Variants in GRIA2 observed in about 807,000 individuals in gnomAD.
GRIA2 encodes the protein glutamate receptor 2.
A neutral mutation model predicts 97.3 loss-of-function variants in GRIA2; 14 were observed. The observed-to-expected ratio is 0.14, with a 90% confidence interval of 0.10 to 0.23. The LOEUF is 0.23. Ranked by LOEUF, GRIA2 falls within the 10% of genes least tolerant of loss-of-function variation. The pLI, the probability that GRIA2 is intolerant of heterozygous loss-of-function variation, is 1.00. For synonymous variants in GRIA2, 412 were observed against 387.8 expected (o/e 1.06, Z -0.73); for missense variants, 558 against 1,069.8 (o/e 0.52, Z 6.67).
At chr4:157,358,524 A>G (rs1736493588) in intron 12 of GRIA2, among the ~76,000 whole-genome samples, 1 of 152,290 alleles carries the variant, frequency 6.6e-6, no homozygotes, top group East Asian at 1.9e-4. Flanking sequence ...ATAAGTATTA[A>G]GAAGTAAGGA....
chr4:157,234,136 T>A (rs2126700170), intron 2 of GRIA2, among the ~76,000 whole-genome samples: 1 of 152,242 alleles, frequency 6.6e-6, no homozygotes, highest in East Asian at 1.9e-4. Context: ...ATGGGGTTCA[T>A]TATAATGCCT....
At chr4:157,301,941 G>A (rs935142661) in intron 2 of GRIA2, among the ~76,000 whole-genome samples, 7 of 151,968 alleles carry the variant, frequency 4.6e-5, no homozygotes, top group Non-Finnish European at 8.8e-5. Context: ...TTGGGAGGCC[G>A]AGGCTGGTGG....
intron 12 of GRIA2, among the ~76,000 whole-genome samples, chr4:157,355,769 A>T (rs558008232): frequency 1.8e-5 from 1 of 54,556 alleles, no homozygotes; most frequent in South Asian, 1.4e-3. Context: ...TTAGTTATAT[A>T]TATTTATATA....
chr4:157,251,001 G>T (rs2126741471), intron 2 of GRIA2, among the ~76,000 whole-genome samples: 1 of 152,142 alleles, frequency 6.6e-6, no homozygotes, highest in East Asian at 1.9e-4. Context: ...TTTTCTAGGG[G>T]TTGGGGAATG....
At position 157,364,855 on chromosome 4, in the gene GRIA2, G is replaced by A. The variant is rs940721538; in HGVS notation, c.*1424G>A. On this transcript the variant is annotated 3_prime_UTR_variant, in exon 16 of 16. Transcript: ENST00000264426. ...TTATATTTATTCCTCAGGTGGAATGGCTATTTTAATATGCCCAGTGTGGAT... is the reference window on the plus strand; with the variant it reads ...TTATATTTATTCCTCAGGTGGAATGACTATTTTAATATGCCCAGTGTGGAT... 6.6e-6 allele frequency: 1 copy of A among 151,584 alleles called. No individual in the cohort carries two copies. The highest frequency in any genetic ancestry group is 2.1e-4 in the South Asian group (1 of 4,818). 9.4% of individuals were successfully genotyped at this position (151,584 alleles called of 1,614,324 possible).
At chr4:157,227,828 A>G (rs542448142) in intron 2 of GRIA2, among the ~76,000 whole-genome samples, 25 of 152,300 alleles carry the variant, frequency 1.6e-4, no homozygotes, top group African/African-American at 5.5e-4. Flanking sequence ...GTGTCTCTTC[A>G]GTACAATAGG....
rs72962896 is a variant in GRIA2, at chr4:157,351,929, C to G, written c.2044-7967C>G. Among the ~76,000 whole-genome samples the G allele has an allele frequency of 3.0e-3, 451 of 152,320 alleles. 3 individuals carry two copies. Among genetic ancestry groups the G allele is most frequent in the African/African-American group, 0.01 (429 of 41,558 alleles). ...TTAAACTTCTTCCCTTTATAAATTA[C>G]GCAGTCTTGTCCAGTTCTTTGTAAC... On this transcript the variant is annotated intron_variant, in intron 12 of 15. Coordinates refer to ENST00000264426, the MANE Select transcript of GRIA2 (RefSeq NM_001083619.3).
chr4:157,311,921 T>C (rs149600289), intron 3 of GRIA2, among the ~76,000 whole-genome samples: 6 of 152,024 alleles, frequency 3.9e-5, no homozygotes, highest in African/African-American at 1.4e-4. Flanking sequence ...AGGTAATATA[T>C]GGACAATTAA....
intron 2 of GRIA2, among the ~76,000 whole-genome samples, chr4:157,256,185 T>C (rs1180232770): frequency 7.3e-6 from 1 of 136,318 alleles, no homozygotes; most frequent in Non-Finnish European, 1.5e-5. Context: ...TTATATATAA[T>C]ATATAACATA....
rs1734149142 is a variant in GRIA2 at position 157,312,928 on chromosome 4, G to A, written c.666+53G>A. ...GCCAGATATAGAATATGCATGCAAT[G>A]TCAGCATTTGCAATGTGTATTTGTG... On this transcript the variant is annotated intron_variant, in intron 4 of 15. Coordinates refer to ENST00000264426, the MANE Select transcript of GRIA2 (RefSeq NM_001083619.3). The A allele has an allele frequency of 2.5e-5, 26 of 1,055,898 alleles. No homozygotes were observed. In the South Asian group the frequency reaches 3.5e-4, roughly 14 times the overall value. The allele number at this position is 1,055,898 out of a possible 1,614,324, so 65.4% of individuals were successfully genotyped here.
chr4:157,301,030 G>C (rs911109413), intron 2 of GRIA2, among the ~76,000 whole-genome samples: 1 of 152,122 alleles, frequency 6.6e-6, no homozygotes, highest in Non-Finnish European at 1.5e-5. Flanking sequence ...ATGAGAAGAG[G>C]TCTCATTAAT....
chr4:157,220,693 A>C, upstream of GRIA2: 1 of 304,552 alleles, frequency 3.3e-6, no homozygotes. Flanking sequence ...CGTGAGTGAG[A>C]GAGGAGAGAG....
At chr4:157,322,242 A>T (rs796347166) in intron 6 of GRIA2, among the ~76,000 whole-genome samples, 208 of 137,236 alleles carry the variant, frequency 1.5e-3, no homozygotes, top group East Asian at 9.5e-3. Flanking sequence ...AGAGAGAGAG[A>T]GTGTGTGTGT....
At chr4:157,260,238 A>C (rs1180389206) in intron 2 of GRIA2, among the ~76,000 whole-genome samples, 3 of 152,016 alleles carry the variant, frequency 2.0e-5, no homozygotes, top group Admixed American at 6.6e-5. Context: ...TCTCCCAGAC[A>C]TTCTGTATTT....
At chr4:157,340,876 T>C (rs571007234) in intron 11 of GRIA2, among the ~76,000 whole-genome samples, 79 of 152,166 alleles carry the variant, frequency 5.2e-4, no homozygotes, top group African/African-American at 1.9e-3. Flanking sequence ...ATTTTGTTCA[T>C]AAATGTTGTT....
At chr4:157,250,077 C>T (rs1730955751) in intron 2 of GRIA2, among the ~76,000 whole-genome samples, 1 of 152,070 alleles carries the variant, frequency 6.6e-6, no homozygotes, top group South Asian at 2.1e-4. Flanking sequence ...AATGGGACTG[C>T]CAATAATTGT....
rs1736836138 is a variant in GRIA2, at chr4:157,365,299, G to A, written c.*1868G>A. The A allele has an allele frequency of 6.6e-6, 1 of 151,900 alleles. No individual in the cohort carries two copies. The highest frequency in any genetic ancestry group is 2.4e-5 in the African/African-American group (1 of 41,366). The allele number at this position is 151,900 out of a possible 1,614,324, so 9.4% of individuals were successfully genotyped here. ...ATTTTAGTGCATTTCTCCTCATCAGGAATGCTGGAGGTGCATTTTAAGTTT... is the reference window on the plus strand; with the variant it reads ...ATTTTAGTGCATTTCTCCTCATCAGAAATGCTGGAGGTGCATTTTAAGTTT... On this transcript the variant is annotated 3_prime_UTR_variant, in exon 16 of 16. Coordinates refer to ENST00000264426, the MANE Select transcript of GRIA2 (RefSeq NM_001083619.3).
intron 3 of GRIA2, among the ~76,000 whole-genome samples, chr4:157,311,614 G>A (rs1734082631): frequency 6.6e-6 from 1 of 151,948 alleles, no homozygotes; most frequent in South Asian, 2.1e-4. Context: ...GAAGAGATAT[G>A]TTCACATTAG....
chr4:157,276,829 C>T (rs979959081), intron 2 of GRIA2, among the ~76,000 whole-genome samples: 2 of 151,610 alleles, frequency 1.3e-5, no homozygotes, highest in African/African-American at 4.8e-5. Flanking sequence ...AATGTAAATT[C>T]CTTGGAAAAT....
Sources: allele counts gnomAD v4.1 joint callset (sites outside exome capture counted in the v4.1 genomes callset), GRCh38; gene constraint gnomAD v4.1.1; transcripts MANE v1.5; gene names NCBI Gene and HGNC (gene_info 2026-07-23, HGNC 2026-07-21).